The following BPTF variants were observed in gnomAD, a reference collection of about 807,000 sequenced individuals.
BPTF encodes nucleosome-remodeling factor subunit BPTF.
BPTF carries 18 observed loss-of-function variants against 292.5 expected under a neutral mutation model. That is an observed-to-expected ratio of 0.06 (90% CI 0.04 to 0.09). The LOEUF (loss-of-function observed/expected upper bound fraction) is 0.09. Among genes scored for constraint, BPTF ranks in the 10% least tolerant of loss-of-function variants. The probability of loss-of-function intolerance (pLI) is 1.00; values close to 1 mark genes in which losing one functional copy is unlikely to be tolerated. For synonymous variants in BPTF, 1,225 were observed against 1,251.9 expected, an observed-to-expected ratio of 0.98 and a Z score of 0.45; for missense variants, 2,726 against 3,498.7, an observed-to-expected ratio of 0.78 and a Z score of 5.57.
intron 19 of BPTF, among the ~76,000 whole-genome samples, chr17:67,941,723 G>A (rs2065381471): frequency 1.3e-5 from 2 of 152,098 alleles, no homozygotes; most frequent in African/African-American, 4.8e-5. Flanking sequence ...AATTCCAGGA[G>A]GATGAAAGTC....
At chr17:67,931,476 AAAATAAATAAAT>A (rs901523648) in intron 17 of BPTF, among the ~76,000 whole-genome samples, 7 of 152,060 alleles carry the variant, frequency 4.6e-5, no homozygotes, top group African/African-American at 1.4e-4. Context: ...CCCTGTCTTT[AAAATAAATAAAT>A]AAATAAATAA....
chr17:67,831,395 G>C (rs895425541), intron 1 of BPTF, among the ~76,000 whole-genome samples: 4 of 152,128 alleles, frequency 2.6e-5, no homozygotes, highest in Admixed American at 1.3e-4. Context: ...GAGCCAAAAG[G>C]GTTATGAAAA....
chr17:67,843,207 G>C lies in BPTF; in HGVS notation c.614-10733G>C, dbSNP rs987458705. ...ATCTACATACATCTACATACATGTA[G>C]ATGTATGTAGATATATACCTATATA... On this transcript the variant is annotated intron_variant, in intron 1 of 27. Transcript: ENST00000306378. 2.2e-4 allele frequency among the ~76,000 whole-genome samples: 27 copies of C among 125,444 alleles called. No individual in the cohort carries two copies. In the East Asian group the frequency reaches 2.3e-3, roughly 10 times the overall value. The allele number at this position is 125,444 out of a possible 152,430, so 82.3% of individuals were successfully genotyped here.
chr17:67,960,209 A>G (rs1011216893), intron 24 of BPTF: 5 of 194,034 alleles, frequency 2.6e-5, no homozygotes, highest in Non-Finnish European at 5.3e-5. Flanking sequence ...CTGTTGCCCA[A>G]AATGGAGAGC....
intron 1 of BPTF, among the ~76,000 whole-genome samples, chr17:67,851,308 A>G (rs1397987287): frequency 6.6e-6 from 1 of 150,830 alleles, no homozygotes; most frequent in Non-Finnish European, 1.5e-5. Flanking sequence ...ACCATATAGG[A>G]ATAGACTGAA....
intron 1 of BPTF, among the ~76,000 whole-genome samples, chr17:67,832,845 T>TG (rs1403574567): frequency 7.2e-6 from 1 of 139,772 alleles, no homozygotes; most frequent in African/African-American, 2.7e-5. Context: ...TGGAGTGGAG[T>TG]GGCGGGATCT....
At chr17:67,855,098 C>T (rs555407551) in intron 2 of BPTF, among the ~76,000 whole-genome samples, 2 of 152,158 alleles carry the variant, frequency 1.3e-5, no homozygotes, top group African/African-American at 4.8e-5. Context: ...GTTGAGAGTT[C>T]GAGACCAGCC....
At chr17:67,834,166 A>G (rs7223643) in intron 1 of BPTF, among the ~76,000 whole-genome samples, 45,872 of 152,002 alleles carry the variant, frequency 0.3, 8,309 homozygotes, top group East Asian at 0.66. Context: ...TCCCACCCGT[A>G]TAACCTCCAG....
intron 24 of BPTF, among the ~76,000 whole-genome samples, chr17:67,960,947 ATTATC>A (rs1259105845): frequency 6.6e-6 from 1 of 152,186 alleles, no homozygotes; most frequent in Non-Finnish European, 1.5e-5. Flanking sequence ...TTCACTTTTC[ATTATC>A]TTATCTCATT....
At chr17:67,844,861 A>G (rs1270865940) in intron 1 of BPTF, among the ~76,000 whole-genome samples, 1 of 151,734 alleles carries the variant, frequency 6.6e-6, no homozygotes, top group African/African-American at 2.4e-5. Flanking sequence ...CTCTTGCCTC[A>G]GCCTCCCTAG....
intron 1 of BPTF, among the ~76,000 whole-genome samples, chr17:67,837,084 T>C (rs2057187759): frequency 6.6e-6 from 1 of 152,172 alleles, no homozygotes; most frequent in Non-Finnish European, 1.5e-5. Flanking sequence ...GTCACAAATT[T>C]ACATGCTCAG....
intron 23 of BPTF, chr17:67,957,267 G>T (rs2067047104): frequency 6.5e-6 from 1 of 152,716 alleles, no homozygotes; most frequent in Admixed American, 6.5e-5. Flanking sequence ...TGGGCAACAA[G>T]AGCGAAACTC....
At chr17:67,889,377 A>G (rs2060956115) in intron 4 of BPTF, among the ~76,000 whole-genome samples, 1 of 152,218 alleles carries the variant, frequency 6.6e-6, no homozygotes, top group African/African-American at 2.4e-5. Context: ...GAAGCTTTTT[A>G]AAAGCACTGT....
chr17:67,831,025 T>C (rs1198835698), intron 1 of BPTF, among the ~76,000 whole-genome samples: 1 of 152,230 alleles, frequency 6.6e-6, no homozygotes, highest in Non-Finnish European at 1.5e-5. Flanking sequence ...CTCTCTCTCT[T>C]TCACATCTGT....
chr17:67,850,344 A>C (rs1206456953), intron 1 of BPTF, among the ~76,000 whole-genome samples: 5 of 152,086 alleles, frequency 3.3e-5, no homozygotes, highest in Admixed American at 2.0e-4. Flanking sequence ...TGTAAAACTT[A>C]ACTTTTCTTT....
At chr17:67,850,330 A>G (rs940921546) in intron 1 of BPTF, among the ~76,000 whole-genome samples, 3 of 152,116 alleles carry the variant, frequency 2.0e-5, no homozygotes, top group African/African-American at 7.2e-5. Flanking sequence ...CCATGGTTTT[A>G]TATTGTAAAA....
intron 11 of BPTF, among the ~76,000 whole-genome samples, chr17:67,915,898 C>G (rs1352471647): frequency 6.6e-6 from 1 of 152,172 alleles, no homozygotes; most frequent in Non-Finnish European, 1.5e-5. Flanking sequence ...AATGAGCAGA[C>G]TTACCGTGCA....
intron 9 of BPTF, among the ~76,000 whole-genome samples, chr17:67,905,637 A>AG (rs2062132016): frequency 6.6e-6 from 1 of 152,100 alleles, no homozygotes; most frequent in Non-Finnish European, 1.5e-5. Context: ...TGAGGCCAGG[A>AG]GTTTGAGGCT....
chr17:67,827,862 G>A (rs1048245130), intron 1 of BPTF, among the ~76,000 whole-genome samples: 3 of 151,940 alleles, frequency 2.0e-5, no homozygotes, highest in Non-Finnish European at 4.4e-5. Flanking sequence ...AATGAATCAA[G>A]TGTCAGGTAT....
Sources: gnomAD v4.1 joint callset for allele counts (sites outside exome capture counted in the v4.1 genomes callset) on GRCh38, gnomAD v4.1.1 for gene constraint, MANE v1.5 for transcripts, NCBI Gene and HGNC (gene_info 2026-07-23, HGNC 2026-07-21) for gene names.